The following ENPP7 variants were observed in gnomAD, a reference collection of about 807,000 sequenced individuals.
ENPP7 encodes the protein ectonucleotide pyrophosphatase/phosphodiesterase 7.
Under a neutral mutation model 33.6 loss-of-function variants are expected in ENPP7, and 39 were observed. The ratio of observed to expected loss-of-function variants is 1.16; its 90% CI spans 0.90 to 1.52. The LOEUF (loss-of-function observed/expected upper bound fraction) is 1.52, where lower values mean the gene tolerates loss of function less well. Ranked by LOEUF, ENPP7 falls within the 40% of genes most tolerant of loss-of-function variation. ENPP7 has a pLI of 0.00. For missense variants in ENPP7, 594 were observed against 641.0 expected, an observed-to-expected ratio of 0.93 and a Z score of 0.79; for synonymous variants, 244 against 274.3, an observed-to-expected ratio of 0.89 and a Z score of 1.09.
At chr17:79,734,635 G>T (rs947538101) in intron 2 of ENPP7, among the ~76,000 whole-genome samples, 1 of 151,970 alleles carries the variant, frequency 6.6e-6, no homozygotes, top group Non-Finnish European at 1.5e-5. Context: ...CCGCCACCAC[G>T]CCTGGCTAAT....
chr17:79,735,255 G>T lies in ENPP7; in HGVS notation c.612G>T (p.Arg204Ser). The T allele has an allele frequency of 1.2e-6, 2 of 1,613,512 alleles. No homozygotes were observed. The highest frequency in any genetic ancestry group is 2.2e-5 in the South Asian group (2 of 91,086). ...GGGAGCCGGACTCCACGGGCCACAG[G>T]TACGGCCCCGAGTCCCCGGAGAGGA... ...YFGEPDSTGH[R>S]YGPESPERRE... is the part of the protein sequence containing the mutation. Residue 204 changes from arginine (R) to serine (S), a missense_variant, in exon 3 of 6, where the codon AGG becomes AGT. Physicochemically the swap from Arg to Ser is moderately radical, Grantham distance 110. Coordinates refer to ENST00000328313, the MANE Select transcript of ENPP7 (RefSeq NM_178543.5). The surrounding 1 kb of genome is among the most constrained non-coding windows in gnomAD (Gnocchi z 5.5).
Position 79,735,480 on chromosome 17 carries a change from C to T in ENPP7, c.837C>T (p.Asp279=). 6.2e-7 allele frequency: 1 copy of T among 1,614,128 alleles called. No individual in the cohort carries two copies. Among genetic ancestry groups the T allele is most frequent in the African/African-American group, 1.3e-5 (1 of 75,042 alleles). ...GGGACATCGAGTTTGAGCTCCTGGA[C>T]TACGGACCAAACGGGATGCTGCTCC... The part of the protein sequence containing the change: ...TFRDIEFELL[D]YGPNGMLLPK... The change falls in exon 3 of 6, where the codon GAC becomes GAT. Residue 279 remains aspartate, a synonymous_variant. Coordinates refer to ENST00000328313, the MANE Select transcript of ENPP7 (RefSeq NM_178543.5). This position sits in a 1 kb window ranked among gnomAD's most constrained non-coding sequence, Gnocchi z 5.5.
intron 2 of ENPP7, among the ~76,000 whole-genome samples, chr17:79,734,479 ATT>A (rs5822293): frequency 3.6e-5 from 5 of 139,988 alleles, no homozygotes; most frequent in Admixed American, 1.4e-4. Context: ...ATCTGGGAAC[ATT>A]TTTTTTTTTT....
In ENPP7 at chr17:79,739,225, A is replaced by G. The variant is rs2094301394; in HGVS notation, c.*16+1163A>G. ...CGTGTTTGGGATGAGACAGAAGGCCAGTGTGCCTGCAGGTTGGCACAGAGC... is the reference window on the plus strand; with the variant it reads ...CGTGTTTGGGATGAGACAGAAGGCCGGTGTGCCTGCAGGTTGGCACAGAGC... On this transcript the variant is annotated intron_variant, in intron 5 of 5. Coordinates refer to ENST00000328313, the MANE Select transcript of ENPP7 (RefSeq NM_178543.5). The surrounding 1 kb of genome is among the most constrained non-coding windows in gnomAD (Gnocchi z 4.4). The G allele has an allele frequency of 1.3e-5, 2 of 152,582 alleles. No homozygotes were observed. The highest frequency in any genetic ancestry group is 4.8e-5 in the African/African-American group (2 of 41,476). 9.5% of individuals were successfully genotyped at this position (152,582 alleles called of 1,614,324 possible).
intron 2 of ENPP7, among the ~76,000 whole-genome samples, chr17:79,734,388 A>G (rs1482154382): frequency 2.0e-5 from 3 of 152,152 alleles, no homozygotes; most frequent in South Asian, 2.1e-4. Flanking sequence ...CTGGCATCAC[A>G]AGGCTCTTGA....
chr17:79,741,164 T>A (rs1232785348), intron 5 of ENPP7, among the ~76,000 whole-genome samples: 1 of 152,116 alleles, frequency 6.6e-6, no homozygotes, highest in African/African-American at 2.4e-5. Context: ...TTTTAATTTT[T>A]AATTTAAAAA....
At chr17:79,732,136 A>C in intron 1 of ENPP7, among the ~76,000 whole-genome samples, 1 of 47,024 alleles carries the variant, frequency 2.1e-5, no homozygotes, top group African/African-American at 1.3e-4. Context: ...ATATATGTAT[A>C]TATATATATA....
At chr17:79,732,749 T>C (rs1188165319) in intron 1 of ENPP7, among the ~76,000 whole-genome samples, 1 of 152,184 alleles carries the variant, frequency 6.6e-6, no homozygotes, top group Non-Finnish European at 1.5e-5. Flanking sequence ...ATACATCCCC[T>C]TACCCTAGCT....
At chr17:79,733,835 C>T (rs1252238316) in intron 2 of ENPP7, among the ~76,000 whole-genome samples, 182 bp downstream of exon 2, 1 of 152,182 alleles carries the variant, frequency 6.6e-6, no homozygotes, top group East Asian at 1.9e-4. Flanking sequence ...GTGGTGGGTG[C>T]TGGTGAGGAC....
In ENPP7 at chr17:79,730,970, G is replaced by T; in HGVS notation, c.-170G>T. On this transcript the variant is annotated 5_prime_UTR_variant, in exon 1 of 6. Transcript: ENST00000328313. ...GCACGTGAGGCTGGGACCAGGGGTG[G>T]CACTGACACGGCTGGGGAGCCCACT... 1.5e-6 allele frequency: 1 copy of T among 661,690 alleles called. No individual in the cohort carries two copies. Among genetic ancestry groups the T allele is most frequent in the South Asian group, 2.0e-5 (1 of 51,070 alleles). 41.0% of individuals were successfully genotyped at this position (661,690 alleles called of 1,614,324 possible).
Position 79,738,268 on chromosome 17 carries a change from G to A in ENPP7, c.*16+206G>A. Reference sequence around the variant, plus strand: ...CTTCCAGCCTCTCTGCTCTGGGCTTGGAGGAGGTCTTTCCAGAGCAGACCA... The same window carrying A: ...CTTCCAGCCTCTCTGCTCTGGGCTTAGAGGAGGTCTTTCCAGAGCAGACCA... On this transcript the variant is annotated intron_variant, in intron 5 of 5. Coordinates refer to ENST00000328313, the MANE Select transcript of ENPP7 (RefSeq NM_178543.5). The surrounding 1 kb of genome is among the most constrained non-coding windows in gnomAD (Gnocchi z 6.2). 1.8e-6 allele frequency: 1 copy of A among 567,144 alleles called. No homozygotes were observed. The highest frequency in any genetic ancestry group is 3.2e-6 in the Non-Finnish European group (1 of 317,440). 35.1% of individuals were successfully genotyped at this position (567,144 alleles called of 1,614,324 possible). A position where few individuals can be genotyped will look rare whatever the true frequency, so the allele number is the denominator to read the frequency against.
intron 2 of ENPP7, among the ~76,000 whole-genome samples, chr17:79,734,287 C>T (rs1431915659): frequency 1.3e-5 from 2 of 152,086 alleles, no homozygotes; most frequent in Non-Finnish European, 2.9e-5. Flanking sequence ...AAGTTATCCA[C>T]TCAAGCCGGG....
chr17:79,735,697 C>T lies in ENPP7; in HGVS notation c.1026+28C>T. The T allele has an allele frequency of 1.9e-6, 3 of 1,575,320 alleles. No individual in the cohort carries two copies. The highest frequency in any genetic ancestry group is 2.6e-6 in the Non-Finnish European group (3 of 1,160,656). ...GAGTCGCCTGCTGGAGGCACCACCT[C>T]CAGGGGCTCCCTCCCCAGGCTCTGG... On this transcript the variant is annotated intron_variant, in intron 3 of 5. Coordinates refer to ENST00000328313, the MANE Select transcript of ENPP7 (RefSeq NM_178543.5). The surrounding 1 kb of genome is among the most constrained non-coding windows in gnomAD (Gnocchi z 5.5).
In ENPP7 at chr17:79,742,040, C is replaced by A; in HGVS notation, c.*263C>A. On this transcript the variant is annotated 3_prime_UTR_variant, in exon 6 of 6. Coordinates refer to ENST00000328313, the MANE Select transcript of ENPP7 (RefSeq NM_178543.5). ...CCCCTGCCCCTGCTCCTGCTCCTCC[C>A]CTTCGGGCCCCCTCCTCCTGCAAAA... The A allele has an allele frequency of 1.5e-6, 1 of 662,646 alleles. No individual in the cohort carries two copies. The highest frequency in any genetic ancestry group is 1.9e-6 in the Non-Finnish European group (1 of 533,336). 41.0% of individuals were successfully genotyped at this position (662,646 alleles called of 1,614,324 possible). A position where few individuals can be genotyped will look rare whatever the true frequency, so the allele number is the denominator to read the frequency against.
chr17:79,735,728 C>CTTTT lies in ENPP7; in HGVS notation c.1026+69_1026+72dup. ...GCTCCCTCCCCAGGCTCTGGGTCTT[C>CTTTT]TTTTTTTTTTTTTGAGACCAGGGTC... On this transcript the variant is annotated intron_variant, in intron 3 of 5. Transcript: ENST00000328313. This position sits in a 1 kb window ranked among gnomAD's most constrained non-coding sequence, Gnocchi z 5.5. 4.0e-6 allele frequency: 5 copies of CTTTT among 1,244,924 alleles called. No individual in the cohort carries two copies. The highest frequency in any genetic ancestry group is 1.5e-5 in the African/African-American group (1 of 64,614). 77.1% of individuals were successfully genotyped at this position (1,244,924 alleles called of 1,614,324 possible). A position where few individuals can be genotyped will look rare whatever the true frequency, so the allele number is the denominator to read the frequency against.
intron 3 of ENPP7, among the ~76,000 whole-genome samples, chr17:79,736,536 CGT>C (rs58744239): frequency 0.077 from 11,154 of 145,544 alleles, 536 homozygotes; most frequent in East Asian, 0.25. Context: ...GTGTGATAGG[CGT>C]GTGTGTGTGT....
intron 1 of ENPP7, among the ~76,000 whole-genome samples, 181 bp downstream of exon 1, chr17:79,731,573 AG>A (rs35067783): frequency 7.9e-5 from 12 of 152,044 alleles, no homozygotes; most frequent in Non-Finnish European, 1.8e-4. Context: ...AAAAATGACC[AG>A]GGGGGTCCTT....
In ENPP7 at chr17:79,738,749, G is replaced by A. The variant is rs1555824123; in HGVS notation, c.*16+687G>A. 6.6e-6 allele frequency: 1 copy of A among 152,116 alleles called. No individual in the cohort carries two copies. The highest frequency in any genetic ancestry group is 1.5e-5 in the Non-Finnish European group (1 of 68,058). 9.4% of individuals were successfully genotyped at this position (152,116 alleles called of 1,614,324 possible). On this transcript the variant is annotated intron_variant, in intron 5 of 5. Transcript: ENST00000328313. The surrounding 1 kb of genome is among the most constrained non-coding windows in gnomAD (Gnocchi z 6.2). ...GTGCGTTTGGGAGGAGAGCTCCGGG[G>A]CTGTGTTCCTGGAACTCCCCGGGAG... is the stretch of plus-strand genomic sequence containing the variant.
rs989546067 is a variant in ENPP7 at position 79,737,100 on chromosome 17, G to A, written c.1086G>A (p.Met362Ile). 2 of 1,614,190 alleles carry A rather than the reference G, an allele frequency of 1.2e-6. No homozygotes were observed. The highest frequency in any genetic ancestry group is 1.7e-6 in the Non-Finnish European group (2 of 1,180,032). Residue 362 changes from methionine (M) to isoleucine (I), a missense_variant, in exon 4 of 6, where the codon ATG becomes ATA. Physicochemically the swap from Met to Ile is conservative, Grantham distance 10. Around this residue, in one of 3 missense-constraint regions of ENPP7, gnomAD observed 504 missense variants for 512.8 expected, o/e 0.98. Coordinates refer to ENST00000328313, the MANE Select transcript of ENPP7 (RefSeq NM_178543.5). The surrounding 1 kb of genome is among the most constrained non-coding windows in gnomAD (Gnocchi z 5.5). ...GCTTTGACAACAAGGACATGGACAT[G>A]AAGACCATCTTCCGCGCTGTGGGCC... ...EHGFDNKDMD[M>I]KTIFRAVGPS...
Sources: gnomAD v4.1 joint callset for allele counts (sites outside exome capture counted in the v4.1 genomes callset) on GRCh38, gnomAD v4.1.1 for gene constraint, gnomAD v4.1.1 regional missense constraint, Gnocchi (gnomAD v3.1) non-coding constraint, MANE v1.5 for transcripts, NCBI Gene and HGNC (gene_info 2026-07-23, HGNC 2026-07-21) for gene names.